The following ZNF69 variants were observed in gnomAD, a reference collection of about 807,000 sequenced individuals.
The protein encoded by ZNF69 is ZNF3.
In ZNF69, 47 loss-of-function variants were observed where a neutral mutation model predicts 50.9. The ratio of observed to expected loss-of-function variants is 0.92; its 90% CI spans 0.73 to 1.18. ZNF69 has a LOEUF of 1.18. Ranked by LOEUF, ZNF69 falls within the 50% of genes most tolerant of loss-of-function variation. The pLI, the probability that ZNF69 is intolerant of heterozygous loss-of-function variation, is 0.00. For missense variants in ZNF69, 717 were observed against 675.1 expected, an observed-to-expected ratio of 1.06 and a Z score of -0.69; for synonymous variants, 216 against 223.1, an observed-to-expected ratio of 0.97 and a Z score of 0.29.
chr19:11,941,821 C>T, the ZNF69 span, among the ~76,000 whole-genome samples: 2 of 152,182 alleles, frequency 1.3e-5, no homozygotes, highest in Non-Finnish European at 2.9e-5. Context: ...CAAGAGCGAG[C>T]GAGGGCTGTG....
the ZNF69 span, among the ~76,000 whole-genome samples, chr19:11,952,629 A>T: frequency 6.6e-6 from 1 of 152,250 alleles, no homozygotes; most frequent in Admixed American, 6.5e-5. Context: ...GCACCAAAGG[A>T]TGCAGCATCA....
intron 1 of ZNF69, among the ~76,000 whole-genome samples, chr19:11,901,478 G>A (rs747792004): frequency 6.6e-6 from 1 of 152,032 alleles, no homozygotes; most frequent in Non-Finnish European, 1.5e-5. Flanking sequence ...GCCTCTATTA[G>A]GACATTCTTA....
the ZNF69 span, chr19:11,949,918 G>T: frequency 1.7e-5 from 28 of 1,613,542 alleles, no homozygotes; most frequent in Non-Finnish European, 2.3e-5. Context: ...CTTCAGATCT[G>T]CCTCAAACCT....
chr19:11,892,982 G>A lies in ZNF69; in HGVS notation c.63+4996G>A, dbSNP rs1031304935. ...CCCAAGTAGCTGGGATTACATGCAT[G>A]TGCCACCGCACATGGCTAATTTTTG... On this transcript the variant is annotated intron_variant, in intron 1 of 3. Transcript: ENST00000429654. 2.6e-5 allele frequency among the ~76,000 whole-genome samples: 4 copies of A among 152,106 alleles called. No individual in the cohort carries two copies. The South Asian group carries it at 6.2e-4, about 24-fold the overall frequency.
intron 1 of ZNF69, among the ~76,000 whole-genome samples, chr19:11,896,264 T>C (rs1180576045): frequency 2.0e-5 from 3 of 151,284 alleles, no homozygotes; most frequent in Admixed American, 6.6e-5. Flanking sequence ...GTTTCACAAT[T>C]TGCTGTTTTC....
At chr19:11,891,210 C>G (rs539200519) in intron 1 of ZNF69, among the ~76,000 whole-genome samples, 1 of 151,778 alleles carries the variant, frequency 6.6e-6, no homozygotes. Flanking sequence ...AGGATCACTT[C>G]TAGTCAGCAG....
the ZNF69 span, chr19:11,924,989 T>TA: frequency 2.1e-6 from 1 of 484,236 alleles, no homozygotes; most frequent in Middle Eastern, 3.3e-4. Flanking sequence ...CGGGGCCTGA[T>TA]ACCCAGGGCT....
At chr19:11,923,708 G>A in the ZNF69 span, among the ~76,000 whole-genome samples, 1 of 152,208 alleles carries the variant, frequency 6.6e-6, no homozygotes, top group Non-Finnish European at 1.5e-5. Context: ...TTATACATAA[G>A]CATAGGAGGA....
At chr19:11,909,510 C>T (rs1331917227), downstream of ZNF69, among the ~76,000 whole-genome samples, 1 of 152,166 alleles carries the variant, frequency 6.6e-6, no homozygotes, top group East Asian at 1.9e-4. Context: ...AAGGCTGATT[C>T]AACATATGCA....
At chr19:11,903,452 G>A in intron 1 of ZNF69, 121 bp from the exon 2 acceptor site, 1 of 1,480,980 alleles carries the variant, frequency 6.8e-7, no homozygotes, top group Non-Finnish European at 9.1e-7. Flanking sequence ...TATACACAGG[G>A]AGAAAGAGAT....
At chr19:11,909,131 G>A (rs1303400345), downstream of ZNF69, among the ~76,000 whole-genome samples, 4 of 152,148 alleles carry the variant, frequency 2.6e-5, no homozygotes, top group Non-Finnish European at 5.9e-5. Flanking sequence ...GGAAGAAGTC[G>A]AATCCCTGAA....
At chr19:11,975,625 G>T in the ZNF69 span, among the ~76,000 whole-genome samples, 1 of 147,524 alleles carries the variant, frequency 6.8e-6, no homozygotes, top group Non-Finnish European at 1.5e-5. Context: ...CTCGTGATCC[G>T]CCCGCCTCGG....
chr19:11,927,979 G>T, the ZNF69 span, among the ~76,000 whole-genome samples: 2 of 152,000 alleles, frequency 1.3e-5, no homozygotes, highest in Non-Finnish European at 2.9e-5. Context: ...TTCCATAGAA[G>T]GCTGATGTAT....
chr19:11,948,572 CA>C, the ZNF69 span: 1 of 1,606,674 alleles, frequency 6.2e-7, no homozygotes, highest in Non-Finnish European at 8.5e-7. Context: ...TCCATTAGAA[CA>C]CAAGAAAGGG....
At chr19:11,961,031 C>T in the ZNF69 span, among the ~76,000 whole-genome samples, 1 of 152,186 alleles carries the variant, frequency 6.6e-6, no homozygotes, top group South Asian at 2.1e-4. Context: ...GTAATCCCAG[C>T]ACTTTGGGAG....
chr19:11,966,466 T>A, the ZNF69 span, among the ~76,000 whole-genome samples: 766 of 152,278 alleles, frequency 5.0e-3, 5 homozygotes, highest in African/African-American at 0.018. Context: ...CTTTGCCTTC[T>A]GGGTTCAAGC....
At chr19:11,967,021 CAGTGTGTAGAG>C in the ZNF69 span, among the ~76,000 whole-genome samples, 9 of 152,128 alleles carry the variant, frequency 5.9e-5, no homozygotes, top group African/African-American at 1.9e-4. Flanking sequence ...TCGCAATGTA[CAGTGTGTAGAG>C]AGTTTATTGA....
the ZNF69 span, among the ~76,000 whole-genome samples, chr19:11,973,357 C>A: frequency 6.6e-6 from 1 of 152,076 alleles, no homozygotes. Flanking sequence ...TCTCTCGATA[C>A]CTTTGTTGCT....
At chr19:11,900,819 T>C (rs1241598077) in intron 1 of ZNF69, among the ~76,000 whole-genome samples, 1 of 152,220 alleles carries the variant, frequency 6.6e-6, no homozygotes, top group Non-Finnish European at 1.5e-5. Context: ...ACATTTTTGT[T>C]TTGAATGAAG....
Sources: allele counts gnomAD v4.1 joint callset (sites outside exome capture counted in the v4.1 genomes callset), GRCh38; gene constraint gnomAD v4.1.1; transcripts MANE v1.5; gene names NCBI Gene and HGNC (gene_info 2026-07-23, HGNC 2026-07-21).